CCDC187: variants seen among roughly 807,000 people sequenced by gnomAD.
CCDC187 encodes the protein coiled-coil domain containing 187.
Under a neutral mutation model 38.0 loss-of-function variants are expected in CCDC187, and 32 were observed. That is an observed-to-expected ratio of 0.84 (90% CI 0.64 to 1.13). CCDC187 has a LOEUF of 1.13. Ranked by LOEUF, CCDC187 falls within the 50% of genes most tolerant of loss-of-function variation. The pLI is 0.00. For missense variants in CCDC187, 707 were observed against 786.8 expected, an observed-to-expected ratio of 0.90 and a Z score of 1.21; for synonymous variants, 333 against 347.9, an observed-to-expected ratio of 0.96 and a Z score of 0.48.
chr9:136,263,677 C>T lies in CCDC187; in HGVS notation c.3857G>A (p.Gly1286Glu). ...PGPVDILPIP[G>E]PTDVVPAHEL... is the part of the protein sequence containing the mutation. ...GTGCGCTGGGACGACGTCCGTGGGC[C>T]CCGGGATGGGGAGGATGTCCACAGG... The change falls in exon 18 of 26, where the codon GGG becomes GAG. Residue 1286 changes from glycine (G) to glutamate (E), a missense_variant. Coordinates refer to ENST00000638797, the MANE Select transcript of CCDC187 (RefSeq NM_001378188.1). 1.1e-5 allele frequency: 11 copies of T among 985,430 alleles called. No homozygotes were observed. The highest frequency in any genetic ancestry group is 9.6e-6 in the Non-Finnish European group (8 of 829,928). The allele number at this position is 985,430 out of a possible 1,614,324, so 61.0% of individuals were successfully genotyped here. A position where few individuals can be genotyped will look rare whatever the true frequency, so the allele number is the denominator to read the frequency against.
At chr9:136,269,199 C>T (rs1554762054) in intron 14 of CCDC187, among the ~76,000 whole-genome samples, 1 of 152,228 alleles carries the variant, frequency 6.6e-6, no homozygotes, top group East Asian at 1.9e-4. Flanking sequence ...TCCCAGGTCA[C>T]TGGGCAGGCA....
chr9:136,289,078 AG>A (rs1831248698), intron 7 of CCDC187, among the ~76,000 whole-genome samples: 2 of 152,236 alleles, frequency 1.3e-5, no homozygotes, highest in African/African-American at 4.8e-5. Flanking sequence ...GGCATTATTC[AG>A]CCACAGACTC....
At chr9:136,265,371 C>A (rs1554761482) in intron 17 of CCDC187, among the ~76,000 whole-genome samples, 2 of 152,202 alleles carry the variant, frequency 1.3e-5, no homozygotes, top group African/African-American at 4.8e-5. Flanking sequence ...CGGATGGAGA[C>A]CCCTCCCTGC....
At chr9:136,293,815 C>T (rs1242150983) in intron 4 of CCDC187, among the ~76,000 whole-genome samples, 2 of 151,538 alleles carry the variant, frequency 1.3e-5, no homozygotes, top group African/African-American at 2.4e-5. Context: ...GACACACATG[C>T]TCTCACACTC....
rs1353895293 is a variant in CCDC187, at chr9:136,255,069, T to C, written c.4759A>G (p.Thr1587Ala). 5 of 985,188 alleles carry C rather than the reference T, an allele frequency of 5.1e-6. No individual in the cohort carries two copies. Among genetic ancestry groups the C allele is most frequent in the African/African-American group, 1.8e-5 (1 of 57,124 alleles). 61.0% of individuals were successfully genotyped at this position (985,188 alleles called of 1,614,324 possible). Residue 1587 changes from threonine to alanine, a missense_variant, in exon 26 of 26, where the codon ACC (threonine) becomes GCC (alanine). Thr to Ala is a moderately conservative substitution (Grantham distance 58, BLOSUM62 0). Transcript: ENST00000638797. Reference sequence around the variant, plus strand: ...GAGCCTGGACCGCAGGAGGAGGTGGTGGGGAGAAGGGGACTGCCCTGGTGC... The same window carrying C: ...GAGCCTGGACCGCAGGAGGAGGTGGCGGGGAGAAGGGGACTGCCCTGGTGC... ...ILHQGSPLLP[T>A]TSSCGPGSES...
Position 136,255,090 on chromosome 9 carries a change from G to T in CCDC187, c.4738C>A (p.Gln1580Lys). Residue 1580 changes from glutamine (Q) to lysine (K), a missense_variant, in exon 26 of 26, where the codon CAG (glutamine) becomes AAG (lysine). Physicochemically the swap from Gln to Lys is moderately conservative, Grantham distance 53. Coordinates refer to ENST00000638797, the MANE Select transcript of CCDC187 (RefSeq NM_001378188.1). ...GTGGTGGGGAGAAGGGGACTGCCCT[G>T]GTGCAGGATTGGGGGCGCCGCCTCC... ...PEEAAPPILH[Q>K]GSPLLPTTSS... The T allele has an allele frequency of 1.0e-6, 1 of 985,568 alleles. No individual in the cohort carries two copies. The highest frequency in any genetic ancestry group is 1.2e-6 in the Non-Finnish European group (1 of 830,050). 61.1% of individuals were successfully genotyped at this position (985,568 alleles called of 1,614,324 possible). A position where few individuals can be genotyped will look rare whatever the true frequency, so the allele number is the denominator to read the frequency against.
Position 136,256,797 on chromosome 9 carries a change from G to T in CCDC187, c.4411C>A (p.Arg1471=), listed in dbSNP as rs1295371665. The part of the protein sequence containing the change: ...KPGPSLAGKP[R]APTDSHVGSF... ...CCCACATGGCTGTCTGTTGGAGCCCGGGGCTTCCCTGCTAAGGAAGGGCCG... is the reference window on the plus strand; with the variant it reads ...CCCACATGGCTGTCTGTTGGAGCCCTGGGCTTCCCTGCTAAGGAAGGGCCG... The change falls in exon 23 of 26, where the codon CGG becomes AGG. Residue 1471 remains arginine, a synonymous_variant. Transcript: ENST00000638797. 6.6e-6 allele frequency: 1 copy of T among 152,252 alleles called. No homozygotes were observed. The highest frequency in any genetic ancestry group is 1.5e-5 in the Non-Finnish European group (1 of 68,052). The allele number at this position is 152,252 out of a possible 1,614,324, so 9.4% of individuals were successfully genotyped here.
intron 4 of CCDC187, among the ~76,000 whole-genome samples, chr9:136,295,253 C>A (rs1339960879): frequency 1.3e-5 from 2 of 152,218 alleles, no homozygotes; most frequent in Non-Finnish European, 2.9e-5. Flanking sequence ...GTTGCTGGGC[C>A]AGGGACCCGC....
chr9:136,287,732 C>T (rs916538654), intron 7 of CCDC187, among the ~76,000 whole-genome samples: 61 of 152,314 alleles, frequency 4.0e-4, no homozygotes, highest in African/African-American at 1.4e-3. Flanking sequence ...ATGGCGTGTT[C>T]CTGCTCACGT....
intron 14 of CCDC187, among the ~76,000 whole-genome samples, chr9:136,269,154 C>T (rs1830798771): frequency 6.6e-6 from 1 of 152,214 alleles, no homozygotes; most frequent in Non-Finnish European, 1.5e-5. Context: ...GTAATGACGC[C>T]TGTTTCCAGT....
chr9:136,300,063 C>A (rs1038692479), intron 3 of CCDC187, among the ~76,000 whole-genome samples, 157 bp downstream of exon 3: 8 of 152,252 alleles, frequency 5.3e-5, no homozygotes, highest in African/African-American at 9.6e-5. Flanking sequence ...CAGAGAATGG[C>A]AGTCTGGCTC....
Position 136,259,914 on chromosome 9 carries a change from G to T in CCDC187, c.4210+205C>A, listed in dbSNP as rs537740023. 5.9e-5 allele frequency among the ~76,000 whole-genome samples: 9 copies of T among 152,346 alleles called. No homozygotes were observed. The East Asian group carries it at 1.7e-3, about 29-fold the overall frequency. ...AATGCTGGCTGCCAGTGCACGGGGT[G>T]GCCCGCCTGCTGGCAAACCCACTGT... On this transcript the variant is annotated intron_variant, in intron 20 of 25. Transcript: ENST00000638797.
chr9:136,253,547 T>A lies in CCDC187; in HGVS notation c.*47A>T. 1.0e-6 allele frequency: 1 copy of A among 957,836 alleles called. No homozygotes were observed. The highest frequency in any genetic ancestry group is 1.2e-6 in the Non-Finnish European group (1 of 804,702). 59.3% of individuals were successfully genotyped at this position (957,836 alleles called of 1,614,324 possible). ...TGCAGAACTGCATCTACCCAACTGG[T>A]CGTCAACGCTTCCACCCGGACCAGC... is the stretch of plus-strand genomic sequence containing the variant. On this transcript the variant is annotated 3_prime_UTR_variant, in exon 26 of 26. Transcript: ENST00000638797.
chr9:136,254,069 G>C lies in CCDC187; in HGVS notation c.5759C>G (p.Pro1920Arg). Residue 1920 changes from proline to arginine, a missense_variant, in exon 26 of 26, where the codon CCG becomes CGG. Transcript: ENST00000638797. ...GYQEGTRDAD[P>R]SPSTKSKLPY... ...GAGTTTGCTCTTGGTGGATGGGCTCGGGTCAGCATCCCGGGTTCCCTCCTG... is the reference window on the plus strand; with the variant it reads ...GAGTTTGCTCTTGGTGGATGGGCTCCGGTCAGCATCCCGGGTTCCCTCCTG... 1 of 985,052 alleles carries C rather than the reference G, an allele frequency of 1.0e-6. No individual in the cohort carries two copies. Among genetic ancestry groups the C allele is most frequent in the Non-Finnish European group, 1.2e-6 (1 of 829,764 alleles). The allele number at this position is 985,052 out of a possible 1,614,324, so 61.0% of individuals were successfully genotyped here.
At chr9:136,278,366 G>A (rs1156756675) in intron 10 of CCDC187, among the ~76,000 whole-genome samples, 2 of 152,188 alleles carry the variant, frequency 1.3e-5, no homozygotes, top group Non-Finnish European at 2.9e-5. Flanking sequence ...AGGACATGGG[G>A]GGACATGAGC....
intron 14 of CCDC187, among the ~76,000 whole-genome samples, chr9:136,268,701 ATG>A (rs1320445779): frequency 6.6e-6 from 1 of 152,014 alleles, no homozygotes; most frequent in African/African-American, 2.4e-5. Flanking sequence ...ACACACACAC[ATG>A]TGTGTTTATA....
In CCDC187 at chr9:136,296,981, C is replaced by T. The variant is rs1005023044; in HGVS notation, c.832+733G>A. On this transcript the variant is annotated intron_variant, in intron 4 of 25. Coordinates refer to ENST00000638797, the MANE Select transcript of CCDC187 (RefSeq NM_001378188.1). ...GTCTGCGGAAGACCCTCTCCCACCC[C>T]CAAGTGTGCAGGTGGAAGGAGATGC... Among the ~76,000 whole-genome samples the T allele has an allele frequency of 7.6e-3, 1,155 of 152,250 alleles. 18 individuals are homozygous for T. The highest frequency in any genetic ancestry group is 0.026 in the African/African-American group (1,094 of 41,520).
rs922975170 is a variant in CCDC187, at chr9:136,286,057, G to A, written c.2833+28C>T. Reference sequence around the variant, plus strand: ...CCACAGGACCCCCTGGCCACCCAGCGGTCACCGTGTCCCGGGTGCCGGCCT... The same window carrying A: ...CCACAGGACCCCCTGGCCACCCAGCAGTCACCGTGTCCCGGGTGCCGGCCT... On this transcript the variant is annotated intron_variant, in intron 8 of 25. Transcript: ENST00000638797. 3.0e-3 allele frequency: 1,204 copies of A among 398,234 alleles called. 21 individuals are homozygous for A. The highest frequency in any genetic ancestry group is 0.027 in the Admixed American group (614 of 22,734). The allele number at this position is 398,234 out of a possible 1,614,324, so 24.7% of individuals were successfully genotyped here. A position where few individuals can be genotyped will look rare whatever the true frequency, so the allele number is the denominator to read the frequency against.
At chr9:136,281,233 C>T (rs983177797) in intron 10 of CCDC187, 42 of 396,386 alleles carry the variant, frequency 1.1e-4, no homozygotes, top group Non-Finnish European at 1.7e-4. Flanking sequence ...AAGTCGAATC[C>T]GAGCTGATGG....
Sources: gnomAD v4.1 joint callset for allele counts (sites outside exome capture counted in the v4.1 genomes callset) on GRCh38, gnomAD v4.1.1 for gene constraint, MANE v1.5 for transcripts, NCBI Gene and HGNC (gene_info 2026-07-23, HGNC 2026-07-21) for gene names.